The following SDHAF4 variants were observed in gnomAD, a reference collection of about 807,000 sequenced individuals.
SDHAF4 encodes the protein succinate dehydrogenase assembly factor 4, mitochondrial.
In SDHAF4, 14 loss-of-function variants were observed where a neutral mutation model predicts 14.3. The ratio of observed to expected loss-of-function variants is 0.98; its 90% CI spans 0.65 to 1.53. The LOEUF (loss-of-function observed/expected upper bound fraction) is 1.53. SDHAF4 is among the 40% of genes most tolerant of loss of function. The pLI is 0.00. For synonymous variants in SDHAF4, 63 were observed against 47.3 expected (o/e 1.33, Z -1.36); for missense variants, 141 against 129.3 (o/e 1.09, Z -0.44).
At chr6:70,592,462 A>T (rs1765267490), downstream of SDHAF4, among the ~76,000 whole-genome samples, 1 of 152,222 alleles carries the variant, frequency 6.6e-6, no homozygotes, top group African/African-American at 2.4e-5. Context: ...TTCAGATGGA[A>T]CTGAAGATCA....
chr6:70,569,294 G>GTT (rs555316895), intron 1 of SDHAF4, among the ~76,000 whole-genome samples: 74 of 150,196 alleles, frequency 4.9e-4, no homozygotes, highest in African/African-American at 1.8e-3. Flanking sequence ...TTGAGACGGA[G>GTT]TTTCACTCTT....
downstream of SDHAF4, among the ~76,000 whole-genome samples, chr6:70,591,597 G>A (rs1456483521): frequency 6.6e-6 from 1 of 151,992 alleles, no homozygotes; most frequent in East Asian, 1.9e-4. Context: ...CCAAAGTGCT[G>A]GGCCAGGTGT....
chr6:70,572,155 A>G (rs1581926059), intron 1 of SDHAF4, among the ~76,000 whole-genome samples: 2 of 118,756 alleles, frequency 1.7e-5, no homozygotes, highest in African/African-American at 6.7e-5. Flanking sequence ...TGCAACCTCC[A>G]CCTCCCGGGT....
intron 2 of SDHAF4, among the ~76,000 whole-genome samples, chr6:70,579,848 C>A (rs529504257): frequency 6.6e-6 from 1 of 151,250 alleles, no homozygotes; most frequent in South Asian, 2.1e-4. Context: ...TTCTTTGTTA[C>A]AAATAAATGA....
At chr6:70,579,893 A>G (rs976517479) in intron 2 of SDHAF4, among the ~76,000 whole-genome samples, 1 of 152,170 alleles carries the variant, frequency 6.6e-6, no homozygotes, top group African/African-American at 2.4e-5. Context: ...TGTTATTTGT[A>G]TCAAAGATCT....
At chr6:70,571,240 G>T (rs1802174571) in intron 1 of SDHAF4, among the ~76,000 whole-genome samples, 1 of 152,038 alleles carries the variant, frequency 6.6e-6, no homozygotes, top group South Asian at 2.1e-4. Flanking sequence ...TGTTGAGGTG[G>T]TAAATTACAG....
chr6:70,591,313 C>T (rs1192510974), downstream of SDHAF4, among the ~76,000 whole-genome samples: 2 of 142,358 alleles, frequency 1.4e-5, no homozygotes, highest in South Asian at 2.3e-4. Flanking sequence ...TTCCAAGTCT[C>T]TAGGCGTTGT....
intron 2 of SDHAF4, among the ~76,000 whole-genome samples, chr6:70,580,929 TTTGTTG>T (rs1159408230): frequency 6.6e-6 from 1 of 151,940 alleles, no homozygotes; most frequent in Non-Finnish European, 1.5e-5. Flanking sequence ...TGAATATATT[TTTGTTG>T]TTGTTTTTGT....
At chr6:70,578,042 G>A (rs2691487) in intron 1 of SDHAF4, among the ~76,000 whole-genome samples, 16,542 of 152,232 alleles carry the variant, frequency 0.11, 3,012 homozygotes, top group African/African-American at 0.37. Flanking sequence ...GCAAGCGCAT[G>A]TGTCTTTCTG....
chr6:70,589,707 T>G (rs1260256734), downstream of SDHAF4: 3 of 152,146 alleles, frequency 2.0e-5, no homozygotes, highest in African/African-American at 7.2e-5. Flanking sequence ...CCCAATCACT[T>G]GGGTTCAAAT....
downstream of SDHAF4, among the ~76,000 whole-genome samples, chr6:70,593,077 G>A (rs1765271945): frequency 6.6e-6 from 1 of 152,238 alleles, no homozygotes. Context: ...GGCTGCTCAA[G>A]CAGCTCTAGC....
At chr6:70,586,428 CTTTTTTTTTTTTTT>C (rs70990316) in intron 2 of SDHAF4, among the ~76,000 whole-genome samples, 4 of 80,304 alleles carry the variant, frequency 5.0e-5, no homozygotes, top group South Asian at 3.9e-4. Flanking sequence ...ATTTGTTTGC[CTTTTTTTTTTTTTT>C]TTTTTTTTTG....
chr6:70,591,505 T>A (rs1765258325), downstream of SDHAF4, among the ~76,000 whole-genome samples: 1 of 151,992 alleles, frequency 6.6e-6, no homozygotes, highest in African/African-American at 2.4e-5. Flanking sequence ...CTAATTTTTG[T>A]ATTTTTGTAG....
At chr6:70,573,264 CTTT>C (rs202098262) in intron 1 of SDHAF4, among the ~76,000 whole-genome samples, 1 of 110,406 alleles carries the variant, frequency 9.1e-6, no homozygotes, top group Non-Finnish European at 1.7e-5. Context: ...GCTATTTGGC[CTTT>C]TTTTTTTTTT....
the SDHAF4 span, among the ~76,000 whole-genome samples, chr6:70,594,992 A>G: frequency 6.6e-6 from 1 of 152,108 alleles, no homozygotes; most frequent in Admixed American, 6.5e-5. Flanking sequence ...ATGGACTAAG[A>G]CAGTAGGTAT....
intron 1 of SDHAF4, among the ~76,000 whole-genome samples, chr6:70,569,720 T>G (rs1206680411): frequency 6.6e-6 from 1 of 152,218 alleles, no homozygotes; most frequent in African/African-American, 2.4e-5. Flanking sequence ...AAAAGGTATC[T>G]TAATAAACAG....
At chr6:70,593,903 C>T (rs764649761), downstream of SDHAF4, among the ~76,000 whole-genome samples, 13 of 152,096 alleles carry the variant, frequency 8.5e-5, no homozygotes, top group African/African-American at 1.2e-4. Flanking sequence ...CCATGTTGGC[C>T]AGGCTGGTCT....
chr6:70,591,783 G>T (rs1041988344), downstream of SDHAF4, among the ~76,000 whole-genome samples: 1 of 152,214 alleles, frequency 6.6e-6, no homozygotes, highest in African/African-American at 2.4e-5. Context: ...TCACAGAGGT[G>T]CTATGGTTGG....
At chr6:70,577,435 C>T (rs997923366) in intron 1 of SDHAF4, among the ~76,000 whole-genome samples, 7 of 152,004 alleles carry the variant, frequency 4.6e-5, no homozygotes, top group African/African-American at 1.7e-4. Flanking sequence ...GTGGTTTTGC[C>T]CTTGCTGAAT....
Sources: allele counts gnomAD v4.1 joint callset (sites outside exome capture counted in the v4.1 genomes callset), GRCh38; gene constraint gnomAD v4.1.1; transcripts MANE v1.5; gene names NCBI Gene and HGNC (gene_info 2026-07-23, HGNC 2026-07-21).